SNX8: variants seen among roughly 807,000 people sequenced by gnomAD.
SNX8 encodes the protein sorting nexin 8, also known as sorting nexin-8.
SNX8 carries 25 observed loss-of-function variants against 51.6 expected under a neutral mutation model. The observed-to-expected ratio is 0.48, with a 90% confidence interval of 0.35 to 0.68. The LOEUF (loss-of-function observed/expected upper bound fraction) is 0.68. Among genes scored for constraint, SNX8 ranks in the 30% least tolerant of loss-of-function variants. The pLI, the probability that SNX8 is intolerant of heterozygous loss-of-function variation, is 0.00. For missense variants in SNX8, 695 were observed against 624.0 expected (o/e 1.11, Z -1.21); for synonymous variants, 324 against 277.0 (o/e 1.17, Z -1.68).
At chr7:2,299,078 C>G (rs1056116840) in intron 1 of SNX8, among the ~76,000 whole-genome samples, 2 of 152,054 alleles carry the variant, frequency 1.3e-5, no homozygotes, top group Non-Finnish European at 2.9e-5. Flanking sequence ...TGACCAGGGT[C>G]AGGGCTCCCC....
chr7:2,318,495 G>A (rs1299533284), upstream of SNX8, among the ~76,000 whole-genome samples: 1 of 149,166 alleles, frequency 6.7e-6, no homozygotes, highest in African/African-American at 2.5e-5. Flanking sequence ...CTGCACTCCA[G>A]CCTCGGCAAA....
In SNX8 at chr7:2,279,663, G is replaced by A. The variant is rs1795865822; in HGVS notation, c.95-1358C>T. Reference sequence around the variant, plus strand: ...GTCCCAGCTACTCGGGAGGTGAGAGGATCACCTGAGTCCGGGAAGGCGGAG... The same window carrying A: ...GTCCCAGCTACTCGGGAGGTGAGAGAATCACCTGAGTCCGGGAAGGCGGAG... On this transcript the variant is annotated intron_variant, in intron 1 of 10. Transcript: ENST00000222990. 4.0e-5 allele frequency among the ~76,000 whole-genome samples: 6 copies of A among 150,850 alleles called. 1 individual carries two copies. The South Asian group carries it at 1.3e-3, about 32-fold the overall frequency.
chr7:2,351,701 G>A (rs1019678435), intron 1 of SNX8, among the ~76,000 whole-genome samples: 6 of 151,436 alleles, frequency 4.0e-5, no homozygotes, highest in African/African-American at 1.5e-4. Context: ...TGTGGTGGCA[G>A]GCGCCTGTAG....
chr7:2,254,306 T>G lies in SNX8; in HGVS notation c.*750A>C, dbSNP rs1337434093. ...TGCCACACGGTGCAGACCCCAACAC[T>G]GGCCACCAGAAATCAAGGGAGTCCA... On this transcript the variant is annotated 3_prime_UTR_variant, in exon 11 of 11. Transcript: ENST00000222990. 6.5e-6 allele frequency: 1 copy of G among 153,200 alleles called. No individual in the cohort carries two copies. Among genetic ancestry groups the G allele is most frequent in the Non-Finnish European group, 1.5e-5 (1 of 68,856 alleles). 9.5% of individuals were successfully genotyped at this position (153,200 alleles called of 1,614,324 possible).
chr7:2,338,196 C>T (rs962189691), intron 1 of SNX8, among the ~76,000 whole-genome samples: 2 of 152,056 alleles, frequency 1.3e-5, no homozygotes, highest in African/African-American at 4.8e-5. Context: ...GGCGCGGTGG[C>T]TCACACCTGT....
intron 1 of SNX8, among the ~76,000 whole-genome samples, chr7:2,300,266 T>C (rs1796362235): frequency 6.6e-6 from 1 of 152,232 alleles, no homozygotes; most frequent in Admixed American, 6.5e-5. Context: ...GAACTCAGCC[T>C]GTGCCTCACA....
intron 1 of SNX8, among the ~76,000 whole-genome samples, chr7:2,352,052 C>T (rs998965868): frequency 6.6e-6 from 1 of 151,588 alleles, no homozygotes; most frequent in Non-Finnish European, 1.5e-5. Flanking sequence ...AGATTACAGG[C>T]ATGTGCCACC....
intron 9 of SNX8, 101 bp from the exon 10 acceptor site, chr7:2,257,124 C>G: frequency 7.4e-7 from 1 of 1,354,560 alleles, no homozygotes; most frequent in Non-Finnish European, 9.8e-7. Context: ...GGCCCCTTCT[C>G]CTTCAGCCTT....
At chr7:2,331,699 C>T (rs893181576) in intron 1 of SNX8, among the ~76,000 whole-genome samples, 10 of 126,582 alleles carry the variant, frequency 7.9e-5, no homozygotes, top group South Asian at 2.9e-4. Flanking sequence ...AGTGACACTC[C>T]GTCTCAAAAT....
At chr7:2,339,457 C>T (rs1221086179) in intron 1 of SNX8, among the ~76,000 whole-genome samples, 1 of 150,920 alleles carries the variant, frequency 6.6e-6, no homozygotes, top group Non-Finnish European at 1.5e-5. Flanking sequence ...GATCCACCCA[C>T]CCTGGCCTCC....
chr7:2,346,670 T>C (rs576382841), intron 1 of SNX8, among the ~76,000 whole-genome samples: 1,254 of 124,260 alleles, frequency 0.01, 12 homozygotes, highest in Middle Eastern at 0.028. Flanking sequence ...GGCGTGAACC[T>C]GGGAGGCGGA....
chr7:2,311,207 C>A (rs1796651287), intron 1 of SNX8, among the ~76,000 whole-genome samples: 1 of 152,168 alleles, frequency 6.6e-6, no homozygotes, highest in African/African-American at 2.4e-5. Flanking sequence ...ACAGTTCCCA[C>A]ATGAATACCA....
Position 2,253,194 on chromosome 7 carries a change from G to C in SNX8, c.*1862C>G, listed in dbSNP as rs1371361520. On this transcript the variant is annotated 3_prime_UTR_variant, in exon 11 of 11. Transcript: ENST00000222990. ...CTCACTGACCCCGGAGTCCCTGCCA[G>C]GAAAGCTCCTTCAGAAAAGCTCATT... 6.5e-6 allele frequency: 1 copy of C among 154,416 alleles called. No homozygotes were observed. Among genetic ancestry groups the C allele is most frequent in the Non-Finnish European group, 1.5e-5 (1 of 68,326 alleles). The allele number at this position is 154,416 out of a possible 1,614,324, so 9.6% of individuals were successfully genotyped here.
intron 1 of SNX8, among the ~76,000 whole-genome samples, chr7:2,346,447 GA>G (rs1031979679): frequency 1.4e-4 from 20 of 139,442 alleles, no homozygotes; most frequent in Non-Finnish European, 2.2e-4. Flanking sequence ...CTCTCAAAAC[GA>G]AAAAAAAAAG....
intron 1 of SNX8, among the ~76,000 whole-genome samples, chr7:2,327,496 A>C (rs1778643507): frequency 6.6e-6 from 1 of 151,150 alleles, no homozygotes; most frequent in Non-Finnish European, 1.5e-5. Context: ...CAAGCTCCGC[A>C]TCTCTGGTTC....
At chr7:2,316,682 C>T (rs774177871), upstream of SNX8, among the ~76,000 whole-genome samples, 2 of 152,048 alleles carry the variant, frequency 1.3e-5, no homozygotes, top group Non-Finnish European at 2.9e-5. Context: ...CTCACTGAGT[C>T]ACTGCATCAT....
At chr7:2,347,230 C>T (rs967259930) in intron 1 of SNX8, among the ~76,000 whole-genome samples, 44 of 151,966 alleles carry the variant, frequency 2.9e-4, no homozygotes, top group African/African-American at 1.1e-3. Flanking sequence ...GCCTGTAATC[C>T]CAGCACTTTG....
intron 7 of SNX8, among the ~76,000 whole-genome samples, chr7:2,259,351 G>A (rs1795280776): frequency 6.6e-6 from 1 of 152,194 alleles, no homozygotes; most frequent in Non-Finnish European, 1.5e-5. Flanking sequence ...AGTCCCCACA[G>A]CTCACTGAGC....
In SNX8 at chr7:2,262,063, G is replaced by A. The variant is rs546255733; in HGVS notation, c.915+1167C>T. Among the ~76,000 whole-genome samples, 3 of 152,238 alleles carry A rather than the reference G, an allele frequency of 2.0e-5. No individual in the cohort carries two copies. In the East Asian group the frequency reaches 5.8e-4, roughly 29 times the overall value. ...CCACTTTTTTTTGTTTTTGAGACAG[G>A]GTCTCGCTCTGTCGCCCAGGCTGGT... On this transcript the variant is annotated intron_variant, in intron 7 of 10. Coordinates refer to ENST00000222990, the MANE Select transcript of SNX8 (RefSeq NM_013321.4).
Sources: allele counts gnomAD v4.1 joint callset (sites outside exome capture counted in the v4.1 genomes callset), GRCh38; gene constraint gnomAD v4.1.1; transcripts MANE v1.5; gene names NCBI Gene and HGNC (gene_info 2026-07-23, HGNC 2026-07-21).